MOV10L1: variants seen among roughly 807,000 people sequenced by gnomAD.
MOV10L1 encodes Mov10 like RNA helicase 1.
Under a neutral mutation model 143.8 loss-of-function variants are expected in MOV10L1, and 110 were observed. The ratio of observed to expected loss-of-function variants is 0.76; its 90% confidence interval spans 0.66 to 0.90. The LOEUF is 0.90. Among genes scored for constraint, MOV10L1 ranks in the 40% least tolerant of loss-of-function variants. The probability of loss-of-function intolerance (pLI) is 0.00; values close to 1 mark genes in which losing one functional copy is unlikely to be tolerated. For missense variants in MOV10L1, 1,406 were observed against 1,526.8 expected, an observed-to-expected ratio of 0.92 and a Z score of 1.32; for synonymous variants, 593 against 581.1, an observed-to-expected ratio of 1.02 and a Z score of -0.29.
rs190743847 is a variant in MOV10L1 at position 50,091,952 on chromosome 22, G to C, written c.98-49G>C. 6,341 of 1,570,956 alleles carry C rather than the reference G, an allele frequency of 4.0e-3. 22 individuals are homozygous for C. The highest frequency in any genetic ancestry group is 4.9e-3 in the Non-Finnish European group (5,589 of 1,152,050). On this transcript the variant is annotated intron_variant, in intron 1 of 26. Transcript: ENST00000262794. The stretch of plus-strand genomic sequence containing the variant: ...TTTCTCTGGTGGGGTTCACTGTAGC[G>C]TACGCTTGCTTTTATGGCCAAGATA...
At chr22:50,142,289 T>A in intron 16 of MOV10L1, 100 bp downstream of exon 16, 1 of 879,746 alleles carries the variant, frequency 1.1e-6, no homozygotes, top group Non-Finnish European at 1.7e-6. Flanking sequence ...GGAAGAACAG[T>A]AGGGGGCGTG....
rs1422885081 is a variant in MOV10L1 at position 50,152,973 on chromosome 22, G to C, written c.2893-72G>C. 1.2e-5 allele frequency: 17 copies of C among 1,470,514 alleles called. No homozygotes were observed. Among genetic ancestry groups the C allele is most frequent in the Non-Finnish European group, 1.5e-5 (16 of 1,079,894 alleles). The allele number at this position is 1,470,514 out of a possible 1,614,324, so 91.1% of individuals were successfully genotyped here. A position where few individuals can be genotyped will look rare whatever the true frequency, so the allele number is the denominator to read the frequency against. On this transcript the variant is annotated intron_variant, in intron 21 of 26. Transcript: ENST00000262794. The surrounding 1 kb of genome is among the most constrained non-coding windows in gnomAD (Gnocchi z 4.4). ...GCAGGCCTCACGTTTGCTGTGCAGAGCCGCTTTTCGTTCGACAGAAACTGT... is the reference window on the plus strand; with the variant it reads ...GCAGGCCTCACGTTTGCTGTGCAGACCCGCTTTTCGTTCGACAGAAACTGT...
At chr22:50,090,493 C>T (rs1163593598) in intron 1 of MOV10L1, 6 of 1,610,214 alleles carry the variant, frequency 3.7e-6, no homozygotes, top group Non-Finnish European at 5.1e-6. Context: ...TCCTCCCTGT[C>T]CGCAGCGTCA....
In MOV10L1 at chr22:50,158,298, T is replaced by G. The variant is rs916815266; in HGVS notation, c.3216+92T>G. On this transcript the variant is annotated intron_variant, in intron 23 of 26. Coordinates refer to ENST00000262794, the MANE Select transcript of MOV10L1 (RefSeq NM_018995.3). This position sits in a 1 kb window ranked among gnomAD's most constrained non-coding sequence, Gnocchi z 5.0. The stretch of plus-strand genomic sequence containing the variant: ...CTCCACAGAGGCAGGAACAAGCTCC[T>G]TGTGAGCAGCAGCAGGTTTTTAAAG... 28 of 1,500,730 alleles carry G rather than the reference T, an allele frequency of 1.9e-5. No individual in the cohort carries two copies. The highest frequency in any genetic ancestry group is 2.2e-5 in the Non-Finnish European group (24 of 1,102,034). The allele number at this position is 1,500,730 out of a possible 1,614,324, so 93.0% of individuals were successfully genotyped here.
chr22:50,131,410 T>C (rs1208030170), intron 13 of MOV10L1, among the ~76,000 whole-genome samples: 2 of 152,208 alleles, frequency 1.3e-5, no homozygotes, highest in Non-Finnish European at 2.9e-5. Flanking sequence ...TTTCATTGTT[T>C]TTATAGTGCC....
chr22:50,156,925 A>T (rs1010905674), intron 22 of MOV10L1, among the ~76,000 whole-genome samples: 4 of 152,330 alleles, frequency 2.6e-5, no homozygotes, highest in Admixed American at 2.0e-4. Flanking sequence ...TTTTTTGAGA[A>T]ACCATCATCT....
chr22:50,126,230 G>A lies in MOV10L1; in HGVS notation c.1776G>A (p.Glu592=). The A allele has an allele frequency of 6.2e-7, 1 of 1,612,066 alleles. No individual in the cohort carries two copies. The highest frequency in any genetic ancestry group is 8.5e-7 in the Non-Finnish European group (1 of 1,178,200). The part of the protein sequence containing the change: ...AGDKLILKTQ[E]YNGHAIEYIS... The stretch of plus-strand genomic sequence containing the variant: ...ATAAACTGATTTTAAAAACTCAAGA[G>A]TACAATGGACATGCCATCGAATACA... The change falls in exon 12 of 27, where the codon GAG becomes GAA. Residue 592 remains glutamate (E), a synonymous_variant. Transcript: ENST00000262794.
In MOV10L1 at chr22:50,117,317, G is replaced by A. The variant is rs201629078; in HGVS notation, c.1420G>A (p.Ala474Thr). 2.0e-5 allele frequency: 33 copies of A among 1,613,848 alleles called. No individual in the cohort carries two copies. The highest frequency in any genetic ancestry group is 6.7e-5 in the East Asian group (3 of 44,888). ...KLKSSQALTS[A>T]KTTVVVTAQK... is the part of the protein sequence containing the mutation. ...TAAAAGTTCACAAGCGTTAACATCC[G>A]CAAAAACTACAGTTGTTGTGACCGC... The change falls in exon 9 of 27, where the codon GCA (alanine) becomes ACA (threonine). Residue 474 changes from alanine (A) to threonine (T), a missense_variant. By Grantham distance (58) the Ala-to-Thr change is moderately conservative. This residue lies in a region of MOV10L1 where 1,233 missense variants were observed against 1,351.4 expected (regional missense o/e 0.91). Coordinates refer to ENST00000262794, the MANE Select transcript of MOV10L1 (RefSeq NM_018995.3).
intron 12 of MOV10L1, among the ~76,000 whole-genome samples, chr22:50,127,785 T>C (rs2062554125): frequency 6.6e-6 from 1 of 152,026 alleles, no homozygotes. Flanking sequence ...TTTTGTTTTT[T>C]TTTTTGAGAT....
chr22:50,147,754 A>G (rs1214713669), intron 19 of MOV10L1, among the ~76,000 whole-genome samples: 1 of 152,244 alleles, frequency 6.6e-6, no homozygotes, highest in Admixed American at 6.5e-5. Flanking sequence ...ATTGAAACCT[A>G]AATACTTACA....
intron 10 of MOV10L1, 101 bp from the exon 11 acceptor site, chr22:50,125,291 C>A: frequency 8.2e-7 from 1 of 1,224,868 alleles, no homozygotes; most frequent in East Asian, 2.4e-5. Flanking sequence ...GGGGGGCCAT[C>A]TGCTGAACTG....
At chr22:50,142,041 G>A (rs1473555671) in intron 15 of MOV10L1, 40 bp from the exon 16 acceptor site, 2 of 1,561,770 alleles carry the variant, frequency 1.3e-6, no homozygotes, top group East Asian at 2.3e-5. Context: ...TGTAAACACA[G>A]CTGTTTTTTT....
chr22:50,136,264 C>T (rs1356382820), intron 15 of MOV10L1, among the ~76,000 whole-genome samples: 1 of 152,044 alleles, frequency 6.6e-6, no homozygotes, highest in Non-Finnish European at 1.5e-5. Flanking sequence ...CGGGGAGAGT[C>T]TGTGGTGCAG....
At chr22:50,115,376 C>A in intron 8 of MOV10L1, 130 bp downstream of exon 8, 3 of 1,078,568 alleles carry the variant, frequency 2.8e-6, no homozygotes, top group Non-Finnish European at 3.7e-6. Context: ...ACCAGCCTGG[C>A]CACCATGGCG....
At position 50,144,115 on chromosome 22, in the gene MOV10L1, G is replaced by A. The variant is rs941689008; in HGVS notation, c.2377G>A (p.Asp793Asn). 11 of 1,610,218 alleles carry A rather than the reference G, an allele frequency of 6.8e-6. No individual in the cohort carries two copies. The African/African-American group carries it at 1.3e-4, about 20-fold the overall frequency. The change falls in exon 18 of 27, where the codon GAC becomes AAC. Residue 793 changes from aspartate (D) to asparagine (N), a missense_variant. This residue lies in a region of MOV10L1 where 1,233 missense variants were observed against 1,351.4 expected (regional missense o/e 0.91). Transcript: ENST00000262794. ...AVLQVHFALP[D>N]SRILVCAPSN... ...GATGAAGGTACACTTTGCCTTGCCGGACAGTCGGATTTTAGTCTGTGCGCC... is the reference window on the plus strand; with the variant it reads ...GATGAAGGTACACTTTGCCTTGCCGAACAGTCGGATTTTAGTCTGTGCGCC...
chr22:50,125,325 C>A, intron 10 of MOV10L1, 67 bp from the exon 11 acceptor site: 2 of 1,501,720 alleles, frequency 1.3e-6, no homozygotes, highest in Non-Finnish European at 9.2e-7. Flanking sequence ...TTTCCTGCTC[C>A]GGAGCTGCTA....
At chr22:50,109,670 CAAAAAAAAA>C (rs35087419) in intron 5 of MOV10L1, 10 of 107,438 alleles carry the variant, frequency 9.3e-5, no homozygotes, top group Admixed American at 1.9e-4. Context: ...GACTCCTTCT[CAAAAAAAAA>C]AAAAAAAAAA....
chr22:50,106,012 C>T (rs925654780), intron 3 of MOV10L1, among the ~76,000 whole-genome samples: 7 of 152,190 alleles, frequency 4.6e-5, no homozygotes, highest in African/African-American at 1.7e-4. Context: ...TGGTGCTTTA[C>T]TCCGTTAACA....
intron 2 of MOV10L1, among the ~76,000 whole-genome samples, chr22:50,098,050 T>C (rs1219972751): frequency 1.3e-5 from 2 of 152,150 alleles, no homozygotes; most frequent in African/African-American, 2.4e-5. Flanking sequence ...TTGACCAGGC[T>C]GGTCTTGAAC....
Sources: gnomAD v4.1 joint callset for allele counts (sites outside exome capture counted in the v4.1 genomes callset) on GRCh38, gnomAD v4.1.1 for gene constraint, gnomAD v4.1.1 regional missense constraint, Gnocchi (gnomAD v3.1) non-coding constraint, MANE v1.5 for transcripts, NCBI Gene and HGNC (gene_info 2026-07-23, HGNC 2026-07-21) for gene names.